The following MIA2 variants were observed in gnomAD, a reference collection of about 807,000 sequenced individuals.
MIA2 encodes the protein MIA SH3 domain ER export factor 2.
Under a neutral mutation model 167.8 loss-of-function variants are expected in MIA2, and 127 were observed. That is an observed-to-expected ratio of 0.76 (90% CI 0.66 to 0.88). MIA2 has a LOEUF of 0.88. Ranked by LOEUF, MIA2 falls within the 40% of genes least tolerant of loss-of-function variation. MIA2 has a pLI of 0.00. For missense variants in MIA2, 1,690 were observed against 1,624.7 expected, an observed-to-expected ratio of 1.04 and a Z score of -0.69; for synonymous variants, 552 against 541.9, an observed-to-expected ratio of 1.02 and a Z score of -0.26.
At chr14:39,368,688 TG>T (rs199898184) in intron 23 of MIA2, among the ~76,000 whole-genome samples, 12 of 142,240 alleles carry the variant, frequency 8.4e-5, no homozygotes, top group African/African-American at 1.7e-4. Context: ...TTCTTTTTTT[TG>T]TTTTTTTTTT....
chr14:39,256,108 A>G (rs553247095), intron 6 of MIA2, among the ~76,000 whole-genome samples: 10 of 152,354 alleles, frequency 6.6e-5, no homozygotes, highest in Admixed American at 1.3e-4. Context: ...ACTGTGATAC[A>G]TAGTTGCCAA....
chr14:39,240,763 T>A (rs2054001298), intron 3 of MIA2, 116 bp downstream of exon 3: 2 of 627,926 alleles, frequency 3.2e-6, no homozygotes, highest in Non-Finnish European at 5.4e-6. Context: ...CATAAAATAG[T>A]TGGCCTGAGA....
rs373723568 is a variant in MIA2 at position 39,326,877 on chromosome 14, A to G, written c.3510A>G (p.Pro1170=). 1.9e-6 allele frequency: 3 copies of G among 1,572,960 alleles called. No homozygotes were observed. The highest frequency in any genetic ancestry group is 2.8e-5 in the African/African-American group (2 of 72,200). ...PGGGGRGSRG[P]GNPLDHQITN... ...TTCTTTAATTAGGCTCACGAGGCCC[A>G]GGGAATCCTCTGGACCATCAGATTA... The change falls in exon 25 of 29, where the codon CCA becomes CCG. Residue 1170 remains proline (P), a synonymous_variant. Transcript: ENST00000640607.
At chr14:39,277,351 C>T (rs1261708395) in intron 7 of MIA2, among the ~76,000 whole-genome samples, 1 of 151,486 alleles carries the variant, frequency 6.6e-6, no homozygotes, top group East Asian at 2.0e-4. Flanking sequence ...CACGGTGAGA[C>T]CCCATCACTA....
At position 39,313,432 on chromosome 14, in the gene MIA2, A is replaced by G. The variant is rs757792022; in HGVS notation, c.3110A>G (p.Glu1037Gly). Reference sequence around the variant, plus strand: ...ATCAGCCATGCCACTGAAGAGCTGGAGACCTATAGGTATTAAATACATTTT... The same window carrying G: ...ATCAGCCATGCCACTGAAGAGCTGGGGACCTATAGGTATTAAATACATTTT... ...EKISHATEEL[E>G]TYRKRAKDLE... The change falls in exon 19 of 29, where the codon GAG becomes GGG. Residue 1037 changes from glutamate to glycine, a missense_variant. Physicochemically the swap from Glu to Gly is moderately conservative, Grantham distance 98. Transcript: ENST00000640607. The G allele has an allele frequency of 6.3e-7, 1 of 1,590,044 alleles. No homozygotes were observed. The highest frequency in any genetic ancestry group is 8.6e-7 in the Non-Finnish European group (1 of 1,165,682).
At chr14:39,267,440 A>G (rs1475269470) in intron 6 of MIA2, 21 of 1,610,494 alleles carry the variant, frequency 1.3e-5, no homozygotes, top group Admixed American at 3.4e-5. Flanking sequence ...TGTGGCGACC[A>G]CGAGAGCAGC....
intron 24 of MIA2, 31 bp downstream of exon 24, chr14:39,321,087 G>T: frequency 6.3e-7 from 1 of 1,579,584 alleles, no homozygotes; most frequent in Non-Finnish European, 8.6e-7. Flanking sequence ...TATTACTCTA[G>T]ATTTCTTCCT....
intron 6 of MIA2, chr14:39,266,604 C>A (rs1215498107): frequency 3.0e-6 from 3 of 985,406 alleles, no homozygotes; most frequent in Non-Finnish European, 3.6e-6. Context: ...TGAGCCGGGA[C>A]GCCTTCCTGT....
chr14:39,246,725 T>G (rs376119360), intron 3 of MIA2, among the ~76,000 whole-genome samples, 186 bp from the exon 4 acceptor site: 105 of 152,078 alleles, frequency 6.9e-4, no homozygotes, highest in Middle Eastern at 3.4e-3. Context: ...ATGTAAAAGG[T>G]TTTTCATTTA....
chr14:39,364,723 G>T (rs1432253499), intron 23 of MIA2, among the ~76,000 whole-genome samples: 17 of 141,556 alleles, frequency 1.2e-4, no homozygotes, highest in Admixed American at 4.8e-4. Flanking sequence ...TGTTTTTTTT[G>T]TTTTGTTTTT....
intron 23 of MIA2, among the ~76,000 whole-genome samples, chr14:39,380,833 C>T (rs1392943087): frequency 6.6e-6 from 1 of 151,766 alleles, no homozygotes; most frequent in Non-Finnish European, 1.5e-5. Context: ...GAGCTCTGGG[C>T]AGAGCCCACA....
chr14:39,303,352 C>T (rs1395982823), intron 15 of MIA2, 126 bp from the exon 16 acceptor site: 1 of 694,528 alleles, frequency 1.4e-6, no homozygotes, highest in Non-Finnish European at 2.4e-6. Flanking sequence ...ATACCAAATT[C>T]TTTATTGTAG....
chr14:39,376,446 T>G (rs1162067950), intron 23 of MIA2, among the ~76,000 whole-genome samples: 1 of 152,192 alleles, frequency 6.6e-6, no homozygotes, highest in Non-Finnish European at 1.5e-5. Context: ...TAAAGATAGC[T>G]CTATCATTTA....
chr14:39,292,302 A>G (rs1398660416), intron 10 of MIA2, among the ~76,000 whole-genome samples: 1 of 152,196 alleles, frequency 6.6e-6, no homozygotes, highest in Non-Finnish European at 1.5e-5. Flanking sequence ...AATATTACAC[A>G]TCAATTTATT....
chr14:39,322,472 C>T (rs564138154), intron 24 of MIA2, among the ~76,000 whole-genome samples: 41 of 146,536 alleles, frequency 2.8e-4, no homozygotes, highest in African/African-American at 9.9e-4. Context: ...ACCCGGGGGA[C>T]GGAGATTGCA....
At chr14:39,254,880 T>A (rs1281458429) in intron 6 of MIA2, among the ~76,000 whole-genome samples, 1 of 152,168 alleles carries the variant, frequency 6.6e-6, no homozygotes, top group African/African-American at 2.4e-5. Flanking sequence ...ATTGGATAGA[T>A]CTTTTGTAGA....
In MIA2 at chr14:39,313,411, G is replaced by A. The variant is rs1323261592; in HGVS notation, c.3089G>A (p.Ser1030Asn). 1.2e-6 allele frequency: 2 copies of A among 1,603,542 alleles called. No individual in the cohort carries two copies. The highest frequency in any genetic ancestry group is 8.5e-7 in the Non-Finnish European group (1 of 1,175,196). Residue 1030 changes from serine to asparagine, a missense_variant, in exon 19 of 29, where the codon AGC (serine) becomes AAC (asparagine). By Grantham distance (46) the Ser-to-Asn change is conservative. Transcript: ENST00000640607. ...CTTTCTAAAGTAGATGAAAAGATCA[G>A]CCATGCCACTGAAGAGCTGGAGACC... is the stretch of plus-strand genomic sequence containing the variant. ...EKLSKVDEKI[S>N]HATEELETYR...
At chr14:39,255,798 G>A (rs1440878016) in intron 6 of MIA2, among the ~76,000 whole-genome samples, 3 of 152,106 alleles carry the variant, frequency 2.0e-5, no homozygotes, top group South Asian at 2.1e-4. Context: ...GCTTATTTTT[G>A]TGGACTCAGT....
chr14:39,241,982 T>A (rs2054064460), intron 3 of MIA2, among the ~76,000 whole-genome samples: 1 of 152,196 alleles, frequency 6.6e-6, no homozygotes, highest in Non-Finnish European at 1.5e-5. Context: ...CTGGTTGGAA[T>A]GCTTTCCCCA....
Sources: gnomAD v4.1 joint callset for allele counts (sites outside exome capture counted in the v4.1 genomes callset) on GRCh38, gnomAD v4.1.1 for gene constraint, MANE v1.5 for transcripts, NCBI Gene and HGNC (gene_info 2026-07-23, HGNC 2026-07-21) for gene names.